RGL1: variants seen among roughly 807,000 people sequenced by gnomAD.
RGL1 encodes ral guanine nucleotide dissociation stimulator-like 1.
Under a neutral mutation model 95.2 loss-of-function variants are expected in RGL1, and 24 were observed. The observed-to-expected ratio is 0.25, with a 90% CI of 0.18 to 0.35. The LOEUF (loss-of-function observed/expected upper bound fraction) is 0.35. RGL1 is among the 10% of genes least tolerant of loss of function. The probability of loss-of-function intolerance (pLI) is 1.00; values close to 1 mark genes in which losing one functional copy is unlikely to be tolerated. For synonymous variants in RGL1, 329 were observed against 344.9 expected, an observed-to-expected ratio of 0.95 and a Z score of 0.51; for missense variants, 715 against 936.3, an observed-to-expected ratio of 0.76 and a Z score of 3.08.
intron 1 of RGL1, among the ~76,000 whole-genome samples, chr1:183,732,782 T>C (rs1380071351): frequency 1.3e-5 from 2 of 152,096 alleles, no homozygotes; most frequent in Admixed American, 1.3e-4. Flanking sequence ...AGAAAAAAAA[T>C]AGGTTCTAAT....
At chr1:183,636,111 ATTGGCGGG>A (rs1263672307) in exon 1 of RGL1, 1 of 398,648 alleles carries the variant, frequency 2.5e-6, no homozygotes, top group Non-Finnish European at 4.4e-6. Flanking sequence ...GGGGTCTCAG[ATTGGCGGG>A]GATGGGCAGC....
chr1:183,838,008 C>G (rs1663787035), intron 2 of RGL1, among the ~76,000 whole-genome samples: 2 of 152,198 alleles, frequency 1.3e-5, no homozygotes, highest in Admixed American at 6.5e-5. Flanking sequence ...CGGTTCCTAA[C>G]AGGCCATAGA....
intron 14 of RGL1, 71 bp from the exon 15 acceptor site, chr1:183,912,011 C>A: frequency 7.2e-7 from 1 of 1,389,106 alleles, no homozygotes. Context: ...TTAATCAACA[C>A]AAAATATTTG....
At chr1:183,831,931 T>C (rs916710660) in intron 2 of RGL1, among the ~76,000 whole-genome samples, 1 of 152,352 alleles carries the variant, frequency 6.6e-6, no homozygotes, top group African/African-American at 2.4e-5. Flanking sequence ...CCATGTCTTT[T>C]GGTGGGCATA....
At chr1:183,705,414 T>C (rs1205857350) in intron 1 of RGL1, among the ~76,000 whole-genome samples, 3 of 152,022 alleles carry the variant, frequency 2.0e-5, no homozygotes, top group African/African-American at 7.3e-5. Context: ...TTGCAGTCTC[T>C]TTGAGAGGGT....
At chr1:183,712,630 A>G (rs1655355945) in intron 1 of RGL1, among the ~76,000 whole-genome samples, 1 of 152,154 alleles carries the variant, frequency 6.6e-6, no homozygotes, top group South Asian at 2.1e-4. Flanking sequence ...TTTTGCTAGG[A>G]TGATTTGTTT....
intron 2 of RGL1, among the ~76,000 whole-genome samples, chr1:183,745,615 GAT>G: frequency 6.6e-6 from 1 of 151,860 alleles, no homozygotes; most frequent in South Asian, 2.1e-4. Context: ...TGTTTCTATA[GAT>G]ATCCTGTCTG....
At chr1:183,656,546 C>A (rs762726476) in intron 1 of RGL1, among the ~76,000 whole-genome samples, 5 of 152,208 alleles carry the variant, frequency 3.3e-5, no homozygotes, top group Non-Finnish European at 7.3e-5. Flanking sequence ...CAAGCTGTAA[C>A]AAATCCAGCT....
chr1:183,846,879 C>CA (rs1035336371), intron 2 of RGL1, among the ~76,000 whole-genome samples: 6 of 151,012 alleles, frequency 4.0e-5, no homozygotes, highest in East Asian at 3.9e-4. Flanking sequence ...GACTCCATCT[C>CA]AAAAAAAAGA....
intron 1 of RGL1, among the ~76,000 whole-genome samples, chr1:183,713,479 T>C (rs1286365283): frequency 8.1e-5 from 12 of 147,276 alleles, no homozygotes. Context: ...TTCCATGTGC[T>C]ATAAATTTTC....
chr1:183,879,453 A>G (rs535895323), intron 4 of RGL1, among the ~76,000 whole-genome samples: 1 of 152,344 alleles, frequency 6.6e-6, no homozygotes, highest in Admixed American at 6.5e-5. Context: ...AATTTCTTTG[A>G]AGTATAATTA....
intron 4 of RGL1, among the ~76,000 whole-genome samples, chr1:183,866,431 G>A (rs973586486): frequency 6.6e-6 from 1 of 152,184 alleles, no homozygotes; most frequent in African/African-American, 2.4e-5. Flanking sequence ...GGAGCGTTTG[G>A]CTATGTGTAG....
rs1275504923 is a variant in RGL1 at position 183,880,569 on chromosome 1, TC to T, written c.426-43del. 3 of 1,588,520 alleles carry T rather than the reference TC, an allele frequency of 1.9e-6. No individual in the cohort carries two copies. In the Admixed American group the frequency reaches 5.1e-5, roughly 27 times the overall value. On this transcript the variant is annotated intron_variant, in intron 4 of 17. Transcript: ENST00000360851. Reference sequence around the variant, plus strand: ...CCTGGTGTCCAGGGATTGCTTTGCCTCCCCACAGCCAGTTGGGTGCAGTGAC... The same window carrying T: ...CCTGGTGTCCAGGGATTGCTTTGCCTCCCACAGCCAGTTGGGTGCAGTGAC...
At chr1:183,726,687 C>T (rs1401902490) in intron 1 of RGL1, among the ~76,000 whole-genome samples, 1 of 152,108 alleles carries the variant, frequency 6.6e-6, no homozygotes, top group Non-Finnish European at 1.5e-5. Context: ...ATTACCGGGT[C>T]AGTTTATTAC....
upstream of RGL1, among the ~76,000 whole-genome samples, chr1:183,801,919 T>G (rs1465748762): frequency 6.6e-6 from 1 of 152,190 alleles, no homozygotes; most frequent in Non-Finnish European, 1.5e-5. Context: ...AAGCTATTAA[T>G]GGGGGATTTG....
intron 2 of RGL1, among the ~76,000 whole-genome samples, chr1:183,825,547 G>T (rs1662789189): frequency 6.6e-6 from 1 of 152,166 alleles, no homozygotes; most frequent in Non-Finnish European, 1.5e-5. Flanking sequence ...GGTCATTTCA[G>T]CTTTCCAAAG....
chr1:183,825,760 G>A (rs76390618), intron 2 of RGL1, among the ~76,000 whole-genome samples: 128 of 152,268 alleles, frequency 8.4e-4, no homozygotes, highest in African/African-American at 3.0e-3. Flanking sequence ...AGAAAGTGGG[G>A]CTTTTAGAAG....
At chr1:183,753,879 A>G (rs1658177460) in intron 2 of RGL1, among the ~76,000 whole-genome samples, 1 of 151,710 alleles carries the variant, frequency 6.6e-6, no homozygotes, top group African/African-American at 2.4e-5. Context: ...TCAGTGTACT[A>G]TCTGTTGTTT....
At chr1:183,744,625 A>G (rs1028437601) in intron 2 of RGL1, among the ~76,000 whole-genome samples, 3 of 152,194 alleles carry the variant, frequency 2.0e-5, no homozygotes, top group Admixed American at 6.5e-5. Flanking sequence ...TATATATTCA[A>G]TATACAGTAT....
Sources: gnomAD v4.1 joint callset for allele counts (sites outside exome capture counted in the v4.1 genomes callset) on GRCh38, gnomAD v4.1.1 for gene constraint, MANE v1.5 for transcripts, NCBI Gene and HGNC (gene_info 2026-07-23, HGNC 2026-07-21) for gene names.